IRAK1BP1: variants seen among roughly 807,000 people sequenced by gnomAD.
IRAK1BP1 encodes the protein interleukin-1 receptor-associated kinase 1-binding protein 1.
In IRAK1BP1, 24 loss-of-function variants were observed where a neutral mutation model predicts 28.0. The ratio of observed to expected loss-of-function variants is 0.86; its 90% CI spans 0.62 to 1.20. The LOEUF is 1.20. IRAK1BP1 is among the 50% of genes most tolerant of loss of function. The pLI, the probability that IRAK1BP1 is intolerant of heterozygous loss-of-function variation, is 0.00. For missense variants in IRAK1BP1, 336 were observed against 316.7 expected, an observed-to-expected ratio of 1.06 and a Z score of -0.46; for synonymous variants, 131 against 116.3, an observed-to-expected ratio of 1.13 and a Z score of -0.81.
the IRAK1BP1 span, among the ~76,000 whole-genome samples, chr6:78,971,617 C>T: frequency 2.6e-5 from 4 of 152,182 alleles, no homozygotes; most frequent in African/African-American, 7.2e-5. Flanking sequence ...TCTGAGGTAA[C>T]GGGTTCATCT....
At chr6:78,974,158 G>A in the IRAK1BP1 span, among the ~76,000 whole-genome samples, 8 of 151,988 alleles carry the variant, frequency 5.3e-5, no homozygotes, top group Middle Eastern at 3.2e-3. Flanking sequence ...TAAAAGAACA[G>A]AAATTATAAC....
rs1491455481 is a variant in IRAK1BP1 at position 78,943,990 on chromosome 6, T to TTA, written c.*68-1418_*68-1417insTA. Among the ~76,000 whole-genome samples, 503 of 78,186 alleles carry TTA rather than the reference T, an allele frequency of 6.4e-3. 6 individuals are homozygous for TTA. Among genetic ancestry groups the TTA allele is most frequent in the African/African-American group, 0.024 (467 of 19,186 alleles). 51.3% of individuals were successfully genotyped at this position (78,186 alleles called of 152,430 possible). A position where few individuals can be genotyped will look rare whatever the true frequency, so the allele number is the denominator to read the frequency against. On this transcript the variant is annotated intron_variant and NMD_transcript_variant, in intron 4 of 4. Coordinates refer to the IRAK1BP1 transcript ENST00000606868. ...GACAGAGCAAGATCCTGTCTTTTTT[T>TTA]AAAAAAAAAAAAAAAAAAAAAAAGG... is the stretch of plus-strand genomic sequence containing the variant.
At chr6:78,961,546 T>A in the IRAK1BP1 span, 511 of 724,934 alleles carry the variant, frequency 7.0e-4, 1 homozygote, top group Non-Finnish European at 9.8e-4. Flanking sequence ...ATCTACTGAA[T>A]AAGATTCTAC....
chr6:78,885,205 A>G (rs375766442), intron 1 of IRAK1BP1, among the ~76,000 whole-genome samples, 173 bp from the exon 2 acceptor site: 1 of 152,118 alleles, frequency 6.6e-6, no homozygotes, highest in South Asian at 2.1e-4. Context: ...AAGCAAAATC[A>G]ATTTCTGAAT....
At chr6:78,969,719 C>T in the IRAK1BP1 span, 1 of 543,384 alleles carries the variant, frequency 1.8e-6, no homozygotes, top group Non-Finnish European at 3.2e-6. Flanking sequence ...AACATTCCTA[C>T]AAATAGCAAA....
intron 4 of IRAK1BP1, among the ~76,000 whole-genome samples, chr6:78,919,757 G>A (rs1311882349): frequency 5.9e-5 from 9 of 152,034 alleles, no homozygotes. Flanking sequence ...AATTCTACCT[G>A]ATGTACAAAG....
At chr6:78,963,396 G>A in the IRAK1BP1 span, 2 of 561,514 alleles carry the variant, frequency 3.6e-6, no homozygotes, top group African/African-American at 4.0e-5. Context: ...ACAAAGGAAA[G>A]TATGTTTTAA....
chr6:78,873,073 C>T (rs9443622), intron 1 of IRAK1BP1, among the ~76,000 whole-genome samples: 70,899 of 151,138 alleles, frequency 0.47, 17,043 homozygotes, highest in East Asian at 0.69. Context: ...CTAGCTAACA[C>T]GGTGAATCCC....
intron 4 of IRAK1BP1, among the ~76,000 whole-genome samples, chr6:78,933,317 C>G (rs1012695848): frequency 8.5e-5 from 13 of 152,174 alleles, no homozygotes; most frequent in Non-Finnish European, 1.9e-4. Flanking sequence ...TGGCTTCTTT[C>G]CTTAAACATC....
intron 4 of IRAK1BP1, among the ~76,000 whole-genome samples, chr6:78,921,284 C>A (rs1047950595): frequency 2.6e-5 from 4 of 152,218 alleles, no homozygotes; most frequent in Non-Finnish European, 4.4e-5. Context: ...TGTATCCCAC[C>A]CCTGGCTTGG....
At chr6:78,892,617 A>G (rs564944398) in intron 2 of IRAK1BP1, among the ~76,000 whole-genome samples, 47 of 152,296 alleles carry the variant, frequency 3.1e-4, no homozygotes, top group Non-Finnish European at 6.0e-4. Context: ...ATCAATTCCA[A>G]ACCAACTCAG....
At chr6:78,963,376 C>T in the IRAK1BP1 span, 7 of 642,210 alleles carry the variant, frequency 1.1e-5, no homozygotes, top group East Asian at 2.1e-4. Flanking sequence ...TAAATATACT[C>T]TTTATTTTAA....
At chr6:78,872,082 A>C in intron 1 of IRAK1BP1, 1 of 699,880 alleles carries the variant, frequency 1.4e-6, no homozygotes, top group East Asian at 2.7e-5. Context: ...ACTGAGGGAA[A>C]TGAATGGAAA....
intron 1 of IRAK1BP1, 37 bp downstream of exon 1, chr6:78,867,928 G>A (rs752083775): frequency 2.7e-6 from 4 of 1,499,760 alleles, no homozygotes; most frequent in African/African-American, 2.8e-5. Context: ...AGAGCCGGAA[G>A]ACACAAAAGG....
At chr6:78,966,773 TG>T in the IRAK1BP1 span, among the ~76,000 whole-genome samples, 5 of 152,360 alleles carry the variant, frequency 3.3e-5, 1 homozygote, top group African/African-American at 1.2e-4. Context: ...ATAAGAAAAC[TG>T]TAAGTCACTT....
chr6:78,898,040 T>C, intron 3 of IRAK1BP1, 24 bp from the exon 4 acceptor site: 1 of 1,605,020 alleles, frequency 6.2e-7, no homozygotes, highest in Non-Finnish European at 8.5e-7. Flanking sequence ...GTCATATTAA[T>C]AATCTCTCCA....
the IRAK1BP1 span, chr6:78,966,193 ATAAG>A: frequency 6.7e-6 from 4 of 601,386 alleles, no homozygotes; most frequent in East Asian, 2.8e-5. Context: ...AACTCCAAAA[ATAAG>A]TAAGTACAAT....
rs1562091294 is a variant in IRAK1BP1 at position 78,902,954 on chromosome 6, T to G, written c.*4620T>G. ...TTCTACTATTAAAACAATAAAACTC[T>G]TATAAACCTGTTTATCAGAAGGATA... is the stretch of plus-strand genomic sequence containing the variant. On this transcript the variant is annotated 3_prime_UTR_variant, in exon 4 of 4. Transcript: ENST00000369940. The G allele has an allele frequency of 1.9e-6, 2 of 1,074,390 alleles. No homozygotes were observed. The highest frequency in any genetic ancestry group is 4.3e-5 in the Admixed American group (2 of 46,642). 66.6% of individuals were successfully genotyped at this position (1,074,390 alleles called of 1,614,324 possible).
the IRAK1BP1 span, among the ~76,000 whole-genome samples, chr6:78,973,114 G>C: frequency 6.6e-6 from 1 of 152,096 alleles, no homozygotes; most frequent in Non-Finnish European, 1.5e-5. Context: ...AAAATGTTAA[G>C]GGCAGCCAGA....
Sources: allele counts gnomAD v4.1 joint callset (sites outside exome capture counted in the v4.1 genomes callset), GRCh38; gene constraint gnomAD v4.1.1; transcripts MANE v1.5; gene names NCBI Gene and HGNC (gene_info 2026-07-23, HGNC 2026-07-21).